The following FGD5 variants were observed in gnomAD, a reference collection of about 807,000 sequenced individuals.
FGD5 encodes the protein FYVE, RhoGEF and PH domain containing 5.
FGD5 carries 28 observed loss-of-function variants against 133.4 expected under a neutral mutation model. The observed-to-expected ratio is 0.21, with a 90% CI of 0.16 to 0.29. The LOEUF is 0.29. Among genes scored for constraint, FGD5 ranks in the 10% least tolerant of loss-of-function variants. FGD5 has a pLI of 1.00. For missense variants in FGD5, 1,858 were observed against 1,895.2 expected (o/e 0.98, Z 0.36); for synonymous variants, 810 against 776.5 (o/e 1.04, Z -0.72).
In FGD5 at chr3:14,844,271, T is replaced by A. The variant is rs546983810; in HGVS notation, c.2526-19857T>A. Among the ~76,000 whole-genome samples the A allele has an allele frequency of 3.1e-3, 294 of 93,872 alleles. 7 individuals are homozygous for A. The highest frequency in any genetic ancestry group is 8.5e-3 in the African/African-American group (215 of 25,430). The allele number at this position is 93,872 out of a possible 152,430, so 61.6% of individuals were successfully genotyped here. On this transcript the variant is annotated intron_variant, in intron 1 of 19. Transcript: ENST00000285046. ...ATATATATATATATATATATATATA[T>A]AATGCAGGTTTCCAGGCCCTTCCCC...
At chr3:14,880,823 G>C in intron 4 of FGD5, 51 bp downstream of exon 4, 4 of 1,598,292 alleles carry the variant, frequency 2.5e-6, no homozygotes, top group South Asian at 1.1e-5. Context: ...TTACAAGTCT[G>C]TGATATAAGA....
chr3:14,928,066 T>G (rs200662738), intron 18 of FGD5, among the ~76,000 whole-genome samples: 5 of 151,880 alleles, frequency 3.3e-5, no homozygotes, highest in African/African-American at 1.2e-4. Context: ...CTCAGCCTCC[T>G]GAGTAGCTGG....
chr3:14,863,115 C>G (rs1309990012), intron 1 of FGD5, among the ~76,000 whole-genome samples: 1 of 152,254 alleles, frequency 6.6e-6, no homozygotes, highest in Non-Finnish European at 1.5e-5. Flanking sequence ...CTGCTCCCTT[C>G]CGTCCTGCCA....
chr3:14,900,447 A>G lies in FGD5; in HGVS notation c.3199A>G (p.Thr1067Ala), dbSNP rs756158109. The G allele has an allele frequency of 2.2e-5, 36 of 1,613,246 alleles. No homozygotes were observed. In the African/African-American group the frequency reaches 4.1e-4, roughly 19 times the overall value. ...TCCGGACTCCGCCGAGTACGACAAC[A>G]CACAGGGTGAGTCCAGCGTGAATGC... ...LCPDSAEYDN[T>A]QGALSLISKV... The change falls in exon 8 of 20, where the codon ACA becomes GCA. Residue 1067 changes from threonine to alanine, a missense_variant. Transcript: ENST00000285046.
chr3:14,918,653 T>C, intron 12 of FGD5, 101 bp from the exon 13 acceptor site: 1 of 1,171,390 alleles, frequency 8.5e-7, no homozygotes, highest in East Asian at 2.4e-5. Context: ...AGAACGGCAG[T>C]AGGTGGACAT....
intron 1 of FGD5, among the ~76,000 whole-genome samples, chr3:14,844,348 A>T (rs2037003573): frequency 7.1e-6 from 1 of 141,328 alleles, no homozygotes; most frequent in African/African-American, 2.6e-5. Context: ...CTGCATTTGT[A>T]ACAGACTCCC....
intron 1 of FGD5, among the ~76,000 whole-genome samples, chr3:14,855,768 G>A (rs1477360418): frequency 6.6e-6 from 1 of 151,698 alleles, no homozygotes; most frequent in Non-Finnish European, 1.5e-5. Flanking sequence ...TATCTATTCT[G>A]GATATTAATC....
chr3:14,844,262 ATATATAT>A, intron 1 of FGD5, among the ~76,000 whole-genome samples: 1 of 81,472 alleles, frequency 1.2e-5, no homozygotes, highest in Non-Finnish European at 2.4e-5. Context: ...ATATATATAT[ATATATAT>A]ATAATGCAGG....
intron 1 of FGD5, among the ~76,000 whole-genome samples, chr3:14,857,905 A>G (rs917476266): frequency 1.3e-5 from 2 of 151,888 alleles, no homozygotes; most frequent in East Asian, 1.9e-4. Flanking sequence ...CTATATTACT[A>G]TCACCCCTGT....
At chr3:14,841,087 A>G (rs1468144928) in intron 1 of FGD5, among the ~76,000 whole-genome samples, 1 of 152,184 alleles carries the variant, frequency 6.6e-6, no homozygotes, top group Non-Finnish European at 1.5e-5. Flanking sequence ...TTTTGTAAAG[A>G]ACACTCAGAT....
rs1485554973 is a variant in FGD5 at position 14,854,387 on chromosome 3, CTTTTTATTT to C, written c.2526-9740_2526-9732del. Among the ~76,000 whole-genome samples the C allele has an allele frequency of 2.3e-4, 31 of 134,400 alleles. 1 individual carries two copies. The East Asian group carries it at 6.3e-3, about 27-fold the overall frequency. 88.2% of individuals were successfully genotyped at this position (134,400 alleles called of 152,430 possible). A position where few individuals can be genotyped will look rare whatever the true frequency, so the allele number is the denominator to read the frequency against. ...TGGTCCTTTATTTTTTGTTTCTTTT[CTTTTTATTT>C]ATTTATTTATTTATTTATTTATTTA... On this transcript the variant is annotated intron_variant, in intron 1 of 19. Transcript: ENST00000285046.
In FGD5 at chr3:14,922,160, T is replaced by TC; in HGVS notation, c.3669+146dup. On this transcript the variant is annotated intron_variant, in intron 14 of 19. Coordinates refer to ENST00000285046, the MANE Select transcript of FGD5 (RefSeq NM_152536.4). This position sits in a 1 kb window ranked among gnomAD's most constrained non-coding sequence, Gnocchi z 4.1. ...GGCTCCCCCCACACCCCTGCCATGC[T>TC]CCCACCCTAGTCAGGGGCGGCCTCC... The TC allele has an allele frequency of 9.8e-7, 1 of 1,020,772 alleles. No individual in the cohort carries two copies. Among genetic ancestry groups the TC allele is most frequent in the Non-Finnish European group, 1.4e-6 (1 of 692,492 alleles). 63.2% of individuals were successfully genotyped at this position (1,020,772 alleles called of 1,614,324 possible).
At position 14,917,339 on chromosome 3, in the gene FGD5, A is replaced by G. The variant is rs1391132173; in HGVS notation, c.3489+7A>G. On this transcript the variant is annotated splice_region_variant and intron_variant, in intron 12 of 19. Coordinates refer to ENST00000285046, the MANE Select transcript of FGD5 (RefSeq NM_152536.4). This position sits in a 1 kb window ranked among gnomAD's most constrained non-coding sequence, Gnocchi z 4.1. ...GGCTGTGGCCAACATGAAGGTAAAT[A>G]TCTGGTGCCAGGTACCCCCGGGTTG... is the stretch of plus-strand genomic sequence containing the variant. 6.2e-7 allele frequency: 1 copy of G among 1,611,288 alleles called. No homozygotes were observed. The highest frequency in any genetic ancestry group is 1.3e-5 in the African/African-American group (1 of 74,918).
intron 4 of FGD5, among the ~76,000 whole-genome samples, chr3:14,881,660 T>C (rs924369454): frequency 2.0e-5 from 3 of 152,224 alleles, no homozygotes; most frequent in African/African-American, 7.2e-5. Context: ...GGTTGAGCAC[T>C]GGGTTCTATG....
chr3:14,843,699 T>TC (rs1217592029), intron 1 of FGD5, among the ~76,000 whole-genome samples: 2 of 141,040 alleles, frequency 1.4e-5, no homozygotes, highest in African/African-American at 5.5e-5. Flanking sequence ...TTTTTTTTTT[T>TC]TTTTGGGGGG....
At chr3:14,911,136 G>C (rs1005701400) in intron 11 of FGD5, among the ~76,000 whole-genome samples, 1 of 152,156 alleles carries the variant, frequency 6.6e-6, no homozygotes, top group African/African-American at 2.4e-5. Context: ...ATTTTGAGTG[G>C]AATGTTGGCA....
chr3:14,816,277 G>A (rs934876794), upstream of FGD5, among the ~76,000 whole-genome samples: 2 of 152,148 alleles, frequency 1.3e-5, no homozygotes, highest in Admixed American at 1.3e-4. Flanking sequence ...AGAAATGAGA[G>A]TCCCACCCCC....
chr3:14,920,974 C>T (rs1236969526), intron 13 of FGD5, among the ~76,000 whole-genome samples: 2 of 152,230 alleles, frequency 1.3e-5, no homozygotes, highest in African/African-American at 4.8e-5. Flanking sequence ...CTCACCTCTC[C>T]TTGTGATAAA....
chr3:14,878,416 A>G (rs907637851), intron 2 of FGD5, among the ~76,000 whole-genome samples: 4 of 152,146 alleles, frequency 2.6e-5, no homozygotes, highest in African/African-American at 7.2e-5. Flanking sequence ...ACTCGATTCT[A>G]TAAATTTTTT....
Sources: allele counts gnomAD v4.1 joint callset (sites outside exome capture counted in the v4.1 genomes callset), GRCh38; gene constraint gnomAD v4.1.1; non-coding constraint Gnocchi (gnomAD v3.1); transcripts MANE v1.5; gene names NCBI Gene and HGNC (gene_info 2026-07-23, HGNC 2026-07-21).